Variants in TMEM132D observed in about 807,000 individuals in gnomAD.
TMEM132D encodes mature OL transmembrane protein.
A neutral mutation model predicts 62.3 loss-of-function variants in TMEM132D; 21 were observed. The observed-to-expected ratio is 0.34, with a 90% CI of 0.24 to 0.49. The LOEUF (loss-of-function observed/expected upper bound fraction) is 0.49. Among genes scored for constraint, TMEM132D ranks in the 20% least tolerant of loss-of-function variants. TMEM132D has a pLI of 0.99. For missense variants in TMEM132D, 1,346 were observed against 1,402.8 expected (o/e 0.96, Z 0.65); for synonymous variants, 621 against 575.6 (o/e 1.08, Z -1.13).
intron 3 of TMEM132D, among the ~76,000 whole-genome samples, chr12:129,488,078 C>T (rs1214415923): frequency 6.6e-6 from 1 of 152,014 alleles, no homozygotes; most frequent in African/African-American, 2.4e-5. Flanking sequence ...CAGCACAGCA[C>T]CCAGGTGCCA....
intron 1 of TMEM132D, among the ~76,000 whole-genome samples, chr12:129,775,086 A>T (rs1040055897): frequency 6.6e-6 from 1 of 152,232 alleles, no homozygotes; most frequent in Non-Finnish European, 1.5e-5. Context: ...TTCTTAGAAC[A>T]CAAAACAATC....
At chr12:129,648,235 A>T (rs537637899) in intron 2 of TMEM132D, among the ~76,000 whole-genome samples, 1 of 152,176 alleles carries the variant, frequency 6.6e-6, no homozygotes, top group African/African-American at 2.4e-5. Context: ...CACCACCCAG[A>T]TTGGTACACT....
At chr12:129,565,908 A>C (rs1004649194) in intron 2 of TMEM132D, among the ~76,000 whole-genome samples, 6 of 152,234 alleles carry the variant, frequency 3.9e-5, no homozygotes, top group African/African-American at 1.4e-4. Context: ...TGCCAGTTTC[A>C]CTTAGGGATG....
chr12:129,264,616 A>G (rs1225580901), intron 4 of TMEM132D, among the ~76,000 whole-genome samples: 2 of 152,206 alleles, frequency 1.3e-5, no homozygotes, highest in African/African-American at 2.4e-5. Flanking sequence ...ATACTTGTAC[A>G]TGAATGTTTA....
intron 3 of TMEM132D, among the ~76,000 whole-genome samples, chr12:129,374,885 G>A (rs1870739133): frequency 6.6e-6 from 1 of 152,180 alleles, no homozygotes; most frequent in Non-Finnish European, 1.5e-5. Flanking sequence ...GGGCCTTAAG[G>A]TCACTCCTTG....
At chr12:129,473,080 G>A (rs920733035) in intron 3 of TMEM132D, among the ~76,000 whole-genome samples, 5 of 151,936 alleles carry the variant, frequency 3.3e-5, no homozygotes, top group Non-Finnish European at 7.4e-5. Flanking sequence ...GGTCAGGCTG[G>A]TCTCGAACTC....
Position 129,076,336 on chromosome 12 carries a change from G to C in TMEM132D, c.2116-1277C>G, listed in dbSNP as rs1304786108. Among the ~76,000 whole-genome samples, 6 of 152,220 alleles carry C rather than the reference G, an allele frequency of 3.9e-5. 1 individual carries two copies. Among genetic ancestry groups the C allele is most frequent in the Non-Finnish European group, 7.3e-5 (5 of 68,044 alleles). ...CTTCCCTTTCCTCCAAGGTCTTGCAGCTGGGTTCTGTGAGATCCCTATAAT... is the reference window on the plus strand; with the variant it reads ...CTTCCCTTTCCTCCAAGGTCTTGCACCTGGGTTCTGTGAGATCCCTATAAT... On this transcript the variant is annotated intron_variant, in intron 8 of 8. Coordinates refer to ENST00000422113, the MANE Select transcript of TMEM132D (RefSeq NM_133448.3).
intron 4 of TMEM132D, among the ~76,000 whole-genome samples, chr12:129,276,493 G>T (rs964525366): frequency 1.3e-5 from 2 of 152,148 alleles, no homozygotes; most frequent in African/African-American, 4.8e-5. Flanking sequence ...ATTAAGATTT[G>T]CTGTTTGTGC....
At chr12:129,689,958 A>G (rs550746212) in intron 2 of TMEM132D, among the ~76,000 whole-genome samples, 28 of 152,364 alleles carry the variant, frequency 1.8e-4, no homozygotes, top group African/African-American at 6.7e-4. Flanking sequence ...GGAGAGACAG[A>G]TACATTCAAG....
chr12:129,105,510 A>T (rs1181940356), intron 5 of TMEM132D, among the ~76,000 whole-genome samples: 1 of 146,894 alleles, frequency 6.8e-6, no homozygotes, highest in African/African-American at 2.6e-5. Flanking sequence ...AACCTGCACA[A>T]TGTGCACATG....
At chr12:129,156,679 A>G (rs974534449) in intron 5 of TMEM132D, among the ~76,000 whole-genome samples, 4 of 152,094 alleles carry the variant, frequency 2.6e-5, no homozygotes, top group African/African-American at 9.7e-5. Flanking sequence ...CACTCACGAG[A>G]TAAATAACAC....
At chr12:129,278,149 T>A (rs1271308302) in intron 4 of TMEM132D, among the ~76,000 whole-genome samples, 2 of 152,130 alleles carry the variant, frequency 1.3e-5, no homozygotes, top group African/African-American at 4.8e-5. Flanking sequence ...ATGGAAACGA[T>A]GAATGTGCAT....
chr12:129,238,996 G>GGTTTTTTTTTTTTTTTTTTTTTTTTTTT (rs374959544), intron 4 of TMEM132D, among the ~76,000 whole-genome samples: 1 of 133,046 alleles, frequency 7.5e-6, no homozygotes. Context: ...GTTATTTTCT[G>GGTTTTTTTTTTTTTTTTTTTTTTTTTTT]TTTTTTTTTT....
chr12:129,791,811 T>C (rs1412374432), intron 1 of TMEM132D, among the ~76,000 whole-genome samples: 5 of 152,118 alleles, frequency 3.3e-5, no homozygotes, highest in Non-Finnish European at 5.9e-5. Context: ...AAAAATCAAT[T>C]TGAAAAGCAA....
intron 2 of TMEM132D, among the ~76,000 whole-genome samples, chr12:129,597,622 C>T (rs1442831246): frequency 6.6e-6 from 1 of 152,046 alleles, no homozygotes; most frequent in Non-Finnish European, 1.5e-5. Flanking sequence ...AATATCATTC[C>T]CCTAAGTGAA....
intron 5 of TMEM132D, among the ~76,000 whole-genome samples, chr12:129,202,353 T>C (rs1282227551): frequency 6.6e-6 from 1 of 152,214 alleles, no homozygotes; most frequent in Non-Finnish European, 1.5e-5. Flanking sequence ...GGTGACTCTT[T>C]GTCAACATCT....
At chr12:129,816,303 C>G (rs923195525) in intron 1 of TMEM132D, among the ~76,000 whole-genome samples, 3 of 152,136 alleles carry the variant, frequency 2.0e-5, no homozygotes, top group Admixed American at 6.6e-5. Flanking sequence ...TCATTTATTA[C>G]AATGTGTTAA....
rs745894276 is a variant in TMEM132D, at chr12:129,074,433, G to A, written c.2742C>T (p.Ser914=). ...NDLMQASKGL[S]DLEIGMYALL... ...AAGCATACATCCCAATTTCTAAGTC[G>A]CTCAGCCCTTTGGATGCCTGCATAA... is the stretch of plus-strand genomic sequence containing the variant. The change falls in exon 9 of 9, where the codon AGC becomes AGT. Residue 914 remains serine, a synonymous_variant. Transcript: ENST00000422113. 63 of 1,613,914 alleles carry A rather than the reference G, an allele frequency of 3.9e-5. No homozygotes were observed. Among genetic ancestry groups the A allele is most frequent in the Non-Finnish European group, 4.7e-5 (55 of 1,180,028 alleles).
intron 3 of TMEM132D, among the ~76,000 whole-genome samples, chr12:129,433,263 G>GTA (rs1007959677): frequency 7.9e-5 from 12 of 152,034 alleles, no homozygotes; most frequent in African/African-American, 2.9e-4. Context: ...TTTATCTTGG[G>GTA]TATATATATA....
Sources: allele counts gnomAD v4.1 joint callset (sites outside exome capture counted in the v4.1 genomes callset), GRCh38; gene constraint gnomAD v4.1.1; transcripts MANE v1.5; gene names NCBI Gene and HGNC (gene_info 2026-07-23, HGNC 2026-07-21).